Variants in NGLY1 observed in about 807,000 individuals in gnomAD.
NGLY1 encodes the protein N-glycanase 1, also known as peptide-N(4)-(N-acetyl-beta-glucosaminyl)asparagine amidase.
Under a neutral mutation model 84.6 loss-of-function variants are expected in NGLY1, and 68 were observed. That is an observed-to-expected ratio of 0.80 (90% confidence interval 0.66 to 0.98). The LOEUF (loss-of-function observed/expected upper bound fraction) is 0.98. NGLY1 is among the 50% of genes least tolerant of loss of function. NGLY1 has a pLI of 0.00. For synonymous variants in NGLY1, 280 were observed against 275.2 expected, an observed-to-expected ratio of 1.02 and a Z score of -0.17; for missense variants, 779 against 770.2, an observed-to-expected ratio of 1.01 and a Z score of -0.14.
upstream of NGLY1, chr3:25,783,511 GGCGGGGTCCTCGGCCGGC>G: frequency 1.0e-6 from 1 of 995,766 alleles, no homozygotes; most frequent in Non-Finnish European, 1.2e-6. This position sits in a 1 kb window ranked among gnomAD's most constrained non-coding sequence, Gnocchi z 4.5. Context: ...GGCCGGCAGG[GGCGGGGTCCTCGGCCGGC>G]AGGGGCGGGG....
intron 4 of NGLY1, among the ~76,000 whole-genome samples, chr3:25,742,884 CAAAAAAAAAAAA>C (rs34669504): frequency 3.2e-5 from 2 of 63,314 alleles, no homozygotes; most frequent in Admixed American, 2.3e-4. Flanking sequence ...CCTTATGTGG[CAAAAAAAAAAAA>C]AAAAAAAAAA....
Position 25,751,156 on chromosome 3 carries a change from G to A in NGLY1, c.600C>T (p.Val200=), listed in dbSNP as rs1706726138. The A allele has an allele frequency of 2.5e-6, 4 of 1,613,026 alleles. No individual in the cohort carries two copies. Among genetic ancestry groups the A allele is most frequent in the Non-Finnish European group, 3.4e-6 (4 of 1,179,636 alleles). The change falls in exon 4 of 12, where the codon GTC becomes GTT. Residue 200 remains valine (V), a synonymous_variant. Transcript: ENST00000280700. ...LQEKALACIP[V]QELKRKSQEK... is the part of the protein sequence containing the mutation. ...CTTGTGATTTCCTTTTTAGTTCTTG[G>A]ACCGGAATACAAGCCAACGCTTTCT...
At chr3:25,732,017 A>G (rs1394127845) in intron 9 of NGLY1, among the ~76,000 whole-genome samples, 2 of 152,122 alleles carry the variant, frequency 1.3e-5, no homozygotes, top group African/African-American at 4.8e-5. Context: ...AACATTCATT[A>G]AGCTGTACAT....
chr3:25,734,371 A>T (rs1367129346), intron 7 of NGLY1: 1 of 154,300 alleles, frequency 6.5e-6, no homozygotes, highest in Admixed American at 6.5e-5. Flanking sequence ...GCCCAGCCTT[A>T]AATGCAATTT....
In NGLY1 at chr3:25,783,315, C is replaced by G; in HGVS notation, c.76G>C (p.Glu26Gln). Residue 26 changes from glutamate to glutamine, a missense_variant, in exon 1 of 12, where the codon GAG (glutamate) becomes CAG (glutamine). Physicochemically the swap from Glu to Gln is conservative, Grantham distance 29. Coordinates refer to ENST00000280700, the MANE Select transcript of NGLY1 (RefSeq NM_018297.4). This position sits in a 1 kb window ranked among gnomAD's most constrained non-coding sequence, Gnocchi z 4.5. ...AGCTTGGAGGCCTCCAAAAAGGTCT[C>G]CGGGGTGTTCTGGCAGAGCTCAGCC... ...AVAELCQNTP[E>Q]TFLEASKLLL... The G allele has an allele frequency of 6.2e-7, 1 of 1,604,286 alleles. No individual in the cohort carries two copies. Among genetic ancestry groups the G allele is most frequent in the Non-Finnish European group, 8.5e-7 (1 of 1,176,256 alleles).
rs952608614 is a variant in NGLY1 at position 25,763,441 on chromosome 3, A to G, written c.492+625T>C. 1.8e-4 allele frequency among the ~76,000 whole-genome samples: 28 copies of G among 152,348 alleles called. 1 individual carries two copies. The highest frequency in any genetic ancestry group is 1.8e-3 in the Admixed American group (28 of 15,304). ...CTGTAACTGTACCAACCTTAACTGC[A>G]AAACTGATGAAGACCTAAGGTATTC... On this transcript the variant is annotated intron_variant, in intron 3 of 11. Transcript: ENST00000280700.
intron 3 of NGLY1, chr3:25,755,189 G>T: frequency 1.5e-6 from 2 of 1,324,246 alleles, no homozygotes; most frequent in Non-Finnish European, 2.2e-6. Flanking sequence ...TCCCCCAAGA[G>T]GTTTCTTACT....
intron 2 of NGLY1, chr3:25,777,840 C>T (rs1708228744): frequency 6.6e-6 from 1 of 152,084 alleles, no homozygotes; most frequent in South Asian, 2.1e-4. Flanking sequence ...TGAAATGGAA[C>T]CTGGGGAGGG....
intron 4 of NGLY1, among the ~76,000 whole-genome samples, chr3:25,750,682 G>A (rs537902390): frequency 1.3e-5 from 2 of 152,122 alleles, no homozygotes; most frequent in African/African-American, 4.8e-5. Context: ...GGTGATATGT[G>A]ACCATGAGGT....
intron 2 of NGLY1, among the ~76,000 whole-genome samples, chr3:25,768,561 CTTTTTT>C (rs752193155): frequency 8.6e-6 from 1 of 116,338 alleles, no homozygotes. Context: ...ATAAGTAAGA[CTTTTTT>C]TTTTTTTTTT....
chr3:25,729,206 G>C lies in NGLY1; in HGVS notation c.1538C>G (p.Thr513Ser), dbSNP rs1449409944. The C allele has an allele frequency of 2.6e-6, 4 of 1,565,442 alleles. No individual in the cohort carries two copies. In the Admixed American group the frequency reaches 5.3e-5, roughly 21 times the overall value. ...CACGCCATTCTCCCATCCAGAAATG[G>C]TTTGATTGTTATTTGAAACTCGAAC... ...RYVRVSNNNQTISGWENGVWK... is the reference protein window; with the variant it reads ...RYVRVSNNNQSISGWENGVWK... The change falls in exon 10 of 12, where the codon ACC becomes AGC. Residue 513 changes from threonine to serine, a missense_variant. Transcript: ENST00000280700.
At chr3:25,769,851 G>A (rs1707810253) in intron 2 of NGLY1, among the ~76,000 whole-genome samples, 1 of 151,498 alleles carries the variant, frequency 6.6e-6, no homozygotes, top group Non-Finnish European at 1.5e-5. Context: ...CTGGTTACAT[G>A]GATAAGTTCT....
rs553402809 is a variant in NGLY1 at position 25,736,324 on chromosome 3, T to C, written c.1004-175A>G. ...TTTAGAATACCTGTATTAATTTCTGTCTCTTTGAAATCCTTAAAAATGTTT... is the reference window on the plus strand; with the variant it reads ...TTTAGAATACCTGTATTAATTTCTGCCTCTTTGAAATCCTTAAAAATGTTT... On this transcript the variant is annotated intron_variant, in intron 6 of 11. Coordinates refer to ENST00000280700, the MANE Select transcript of NGLY1 (RefSeq NM_018297.4). 5.2e-6 allele frequency: 8 copies of C among 1,551,526 alleles called. No individual in the cohort carries two copies. In the South Asian group the frequency reaches 8.3e-5, roughly 16 times the overall value.
chr3:25,787,633 C>T (rs2125336128), upstream of NGLY1, among the ~76,000 whole-genome samples: 1 of 152,280 alleles, frequency 6.6e-6, no homozygotes, highest in South Asian at 2.1e-4. Flanking sequence ...AGAGAGTTTA[C>T]CATGTCCTTT....
chr3:25,739,417 G>A (rs1190340021), intron 5 of NGLY1, among the ~76,000 whole-genome samples, 160 bp downstream of exon 5: 2 of 152,114 alleles, frequency 1.3e-5, no homozygotes, highest in African/African-American at 4.8e-5. Flanking sequence ...TACAAAAACA[G>A]GATGTCGGCT....
At chr3:25,775,735 G>C (rs921296048) in intron 2 of NGLY1, among the ~76,000 whole-genome samples, 1 of 152,142 alleles carries the variant, frequency 6.6e-6, no homozygotes, top group African/African-American at 2.4e-5. Flanking sequence ...TGGTTAATGG[G>C]CACAAAATTA....
upstream of NGLY1, chr3:25,783,640 A>C (rs566219834): frequency 1.4e-5 from 4 of 286,756 alleles, no homozygotes; most frequent in Admixed American, 1.1e-4. This position sits in a 1 kb window ranked among gnomAD's most constrained non-coding sequence, Gnocchi z 4.5. Context: ...GACCGGGGCC[A>C]GGAGCGGGGG....
chr3:25,733,632 A>C (rs1488991), intron 8 of NGLY1, among the ~76,000 whole-genome samples: 1 of 152,010 alleles, frequency 6.6e-6, no homozygotes, highest in Non-Finnish European at 1.5e-5. Context: ...TTTTGTTTCA[A>C]AGAACTTTGA....
chr3:25,728,596 A>T (rs926184196), intron 10 of NGLY1, among the ~76,000 whole-genome samples: 2 of 152,070 alleles, frequency 1.3e-5, no homozygotes, highest in Non-Finnish European at 2.9e-5. Flanking sequence ...TATAGTCCTA[A>T]CCTCTACTTA....
Sources: allele counts gnomAD v4.1 joint callset (sites outside exome capture counted in the v4.1 genomes callset), GRCh38; gene constraint gnomAD v4.1.1; non-coding constraint Gnocchi (gnomAD v3.1); transcripts MANE v1.5; gene names NCBI Gene and HGNC (gene_info 2026-07-23, HGNC 2026-07-21).